Variants in OPCML observed in about 807,000 individuals in gnomAD.
The protein encoded by OPCML is opioid-binding protein/cell adhesion molecule.
OPCML carries 13 observed loss-of-function variants against 37.8 expected under a neutral mutation model. The ratio of observed to expected loss-of-function variants is 0.34; its 90% confidence interval spans 0.22 to 0.55. The LOEUF (loss-of-function observed/expected upper bound fraction) is 0.55, where lower values mean the gene tolerates loss of function less well. Ranked by LOEUF, OPCML falls within the 20% of genes least tolerant of loss-of-function variation. The pLI, the probability that OPCML is intolerant of heterozygous loss-of-function variation, is 0.91. For missense variants in OPCML, 341 were observed against 435.6 expected, an observed-to-expected ratio of 0.78 and a Z score of 1.93; for synonymous variants, 176 against 168.8, an observed-to-expected ratio of 1.04 and a Z score of -0.33.
chr11:133,257,820 C>CT (rs1941363771), intron 1 of OPCML, among the ~76,000 whole-genome samples: 1 of 151,560 alleles, frequency 6.6e-6, no homozygotes, highest in African/African-American at 2.4e-5. Flanking sequence ...CTATTCCTTC[C>CT]TTTTTCTCGC....
chr11:132,784,575 C>T (rs1389684815), intron 2 of OPCML, among the ~76,000 whole-genome samples: 4 of 152,080 alleles, frequency 2.6e-5, no homozygotes, highest in African/African-American at 7.2e-5. Context: ...CGATATGGTT[C>T]GAATGCTTTG....
rs559177161 is a variant in OPCML at position 133,410,979 on chromosome 11, T to G, written c.61+121285A>C. 1.1e-4 allele frequency among the ~76,000 whole-genome samples: 17 copies of G among 152,270 alleles called. No homozygotes were observed. In the East Asian group the frequency reaches 3.3e-3, roughly 29 times the overall value. On this transcript the variant is annotated intron_variant, in intron 1 of 7. Coordinates refer to ENST00000524381, the MANE Select transcript of OPCML (RefSeq NM_001012393.5). The stretch of plus-strand genomic sequence containing the variant: ...CCAAAAGTTACCCAATACCTCCCAT[T>G]GCTTCCTCAAGCATCTTCGCATTTT...
rs1939367297 is a variant in OPCML, at chr11:133,211,699, GC to G, written c.62-268690del. Among the ~76,000 whole-genome samples, 1 of 152,166 alleles carries G rather than the reference GC, an allele frequency of 6.6e-6. No individual in the cohort carries two copies. The highest frequency in any genetic ancestry group is 1.5e-5 in the Non-Finnish European group (1 of 68,042). On this transcript the variant is annotated intron_variant, in intron 1 of 7. Coordinates refer to ENST00000524381, the MANE Select transcript of OPCML (RefSeq NM_001012393.5). The surrounding 1 kb of genome is among the most constrained non-coding windows in gnomAD (Gnocchi z 4.1). ...GGCCAGGGAGTCATCTGGCTTTGTG[GC>G]AACACAGACTGTGTGGACTAAATCA...
chr11:132,583,575 C>A (rs1460623056), intron 3 of OPCML, among the ~76,000 whole-genome samples: 2 of 152,122 alleles, frequency 1.3e-5, no homozygotes, highest in Non-Finnish European at 2.9e-5. Flanking sequence ...GCTGGGATTA[C>A]AGTTGTGAGT....
chr11:133,361,427 C>G (rs567261255), intron 1 of OPCML: 11 of 152,570 alleles, frequency 7.2e-5, no homozygotes, highest in Admixed American at 2.0e-4. Context: ...CAGGTCCTGG[C>G]GGTGTCGATC....
Position 132,903,637 on chromosome 11 carries a change from A to G in OPCML, c.146+39289T>C, listed in dbSNP as rs528131559. On this transcript the variant is annotated intron_variant, in intron 2 of 7. Coordinates refer to ENST00000524381, the MANE Select transcript of OPCML (RefSeq NM_001012393.5). Reference sequence around the variant, plus strand: ...ATAGTGAGACCTTATCTCTATAAAAATAAGTAAATAAATAGAAAAATAAAT... The same window carrying G: ...ATAGTGAGACCTTATCTCTATAAAAGTAAGTAAATAAATAGAAAAATAAAT... Among the ~76,000 whole-genome samples the G allele has an allele frequency of 1.2e-4, 19 of 152,322 alleles. No homozygotes were observed. The South Asian group carries it at 3.9e-3, about 32-fold the overall frequency.
chr11:133,469,102 G>A (rs901316838), intron 1 of OPCML, among the ~76,000 whole-genome samples: 4 of 152,074 alleles, frequency 2.6e-5, no homozygotes, highest in African/African-American at 9.7e-5. Context: ...TCACTCTAAG[G>A]TATGAATGAC....
intron 1 of OPCML, among the ~76,000 whole-genome samples, chr11:133,222,511 G>A (rs1592118554): frequency 1.3e-5 from 2 of 152,054 alleles, no homozygotes; most frequent in Admixed American, 6.6e-5. Context: ...TCCACTCTAG[G>A]GACAGACACA....
chr11:132,463,653 T>C (rs2096110312), intron 4 of OPCML, among the ~76,000 whole-genome samples: 1 of 152,220 alleles, frequency 6.6e-6, no homozygotes, highest in Non-Finnish European at 1.5e-5. Flanking sequence ...CCTGAGCCAT[T>C]TGACCTTTGA....
intron 1 of OPCML, among the ~76,000 whole-genome samples, chr11:133,160,784 C>A (rs1486487025): frequency 1.3e-5 from 2 of 152,210 alleles, no homozygotes; most frequent in African/African-American, 4.8e-5. Context: ...CCTGTCCTGG[C>A]AGGACACTCA....
At position 132,918,603 on chromosome 11, in the gene OPCML, C is replaced by T. The variant is rs559424124; in HGVS notation, c.146+24323G>A. On this transcript the variant is annotated intron_variant, in intron 2 of 7. Transcript: ENST00000524381. The stretch of plus-strand genomic sequence containing the variant: ...AGTTTATCACACTTTATGATATCTC[C>T]AATAATTTTTTCTAGTAGGTTTAAC... Among the ~76,000 whole-genome samples the T allele has an allele frequency of 3.9e-5, 6 of 151,998 alleles. No individual in the cohort carries two copies. The East Asian group carries it at 9.7e-4, about 24-fold the overall frequency.
At chr11:132,487,701 A>G (rs1190641806) in intron 4 of OPCML, among the ~76,000 whole-genome samples, 1 of 152,144 alleles carries the variant, frequency 6.6e-6, no homozygotes, top group Non-Finnish European at 1.5e-5. Context: ...CTGGCCAGAT[A>G]GAGTCACAGA....
intron 1 of OPCML, among the ~76,000 whole-genome samples, chr11:133,046,914 C>A (rs1191265747): frequency 6.6e-6 from 1 of 151,698 alleles, no homozygotes; most frequent in Non-Finnish European, 1.5e-5. Context: ...AAGTTAGGAG[C>A]CGGGGAGTGG....
intron 1 of OPCML, among the ~76,000 whole-genome samples, chr11:133,159,839 C>T (rs759716736): frequency 7.2e-5 from 11 of 152,314 alleles, no homozygotes; most frequent in African/African-American, 9.6e-5. Flanking sequence ...CCCCAGGGCA[C>T]GCGAGTTCTC....
chr11:132,783,661 C>T (rs987737125), intron 2 of OPCML, among the ~76,000 whole-genome samples: 4 of 152,126 alleles, frequency 2.6e-5, no homozygotes, highest in African/African-American at 9.7e-5. Context: ...AGATATAATA[C>T]TCCCAAAGGC....
At position 132,657,068 on chromosome 11, in the gene OPCML, A is replaced by G. The variant is rs1262741152; in HGVS notation, c.379+19T>C. The G allele has an allele frequency of 6.2e-7, 1 of 1,610,392 alleles. No homozygotes were observed. Among genetic ancestry groups the G allele is most frequent in the African/African-American group, 1.3e-5 (1 of 74,922 alleles). ...CATCACTGACGGGAATGGCAACCCCAGATCCAGCTGGGACTTACCTTGCAC... is the reference window on the plus strand; with the variant it reads ...CATCACTGACGGGAATGGCAACCCCGGATCCAGCTGGGACTTACCTTGCAC... On this transcript the variant is annotated intron_variant, in intron 3 of 7. Coordinates refer to ENST00000524381, the MANE Select transcript of OPCML (RefSeq NM_001012393.5).
At chr11:132,869,594 T>C (rs1942716216) in intron 2 of OPCML, among the ~76,000 whole-genome samples, 1 of 152,232 alleles carries the variant, frequency 6.6e-6, no homozygotes, top group Non-Finnish European at 1.5e-5. Flanking sequence ...CTTAGTAAGA[T>C]GAGCTCCTCA....
intron 1 of OPCML, among the ~76,000 whole-genome samples, chr11:133,121,500 T>C (rs150711671): frequency 6.6e-6 from 1 of 152,308 alleles, no homozygotes; most frequent in Non-Finnish European, 1.5e-5. Context: ...TATAGTAGAC[T>C]GGCCAAAGCA....
At chr11:133,049,427 T>G (rs947088135) in intron 1 of OPCML, among the ~76,000 whole-genome samples, 4 of 152,102 alleles carry the variant, frequency 2.6e-5, no homozygotes, top group Non-Finnish European at 4.4e-5. Flanking sequence ...ACACCTGACC[T>G]CCCACTCACT....
Sources: gnomAD v4.1 joint callset for allele counts (sites outside exome capture counted in the v4.1 genomes callset) on GRCh38, gnomAD v4.1.1 for gene constraint, Gnocchi (gnomAD v3.1) non-coding constraint, MANE v1.5 for transcripts, NCBI Gene and HGNC (gene_info 2026-07-23, HGNC 2026-07-21) for gene names.